The following BRIP1 variants were observed in gnomAD, a reference collection of about 807,000 sequenced individuals.
The protein encoded by BRIP1 is Fanconi anemia group J protein.
In BRIP1, 88 loss-of-function variants were observed where a neutral mutation model predicts 119.7. The observed-to-expected ratio is 0.74, with a 90% CI of 0.62 to 0.88. BRIP1 has a LOEUF of 0.88. Ranked by LOEUF, BRIP1 falls within the 40% of genes least tolerant of loss-of-function variation. BRIP1 has a pLI of 0.00. For synonymous variants in BRIP1, 443 were observed against 496.5 expected, an observed-to-expected ratio of 0.89 and a Z score of 1.43; for missense variants, 1,259 against 1,455.4, an observed-to-expected ratio of 0.87 and a Z score of 2.20.
At chr17:61,750,950 T>C (rs1249887298) in intron 14 of BRIP1, among the ~76,000 whole-genome samples, 2 of 152,142 alleles carry the variant, frequency 1.3e-5, no homozygotes, top group African/African-American at 4.8e-5. Context: ...AGGCATAGAA[T>C]TACCATATGA....
At position 61,695,749 on chromosome 17, in the gene BRIP1, AT is replaced by A. The variant is rs1157033762; in HGVS notation, c.2493-2238del. ...TCTTTCTGATGTTATTTTAAATGGT[AT>A]TTTTTAAGTTCATTTTTAGATTTTT... On this transcript the variant is annotated intron_variant, in intron 17 of 19. Transcript: ENST00000259008. The surrounding 1 kb of genome is among the most constrained non-coding windows in gnomAD (Gnocchi z 4.3). Among the ~76,000 whole-genome samples the A allele has an allele frequency of 2.0e-5, 3 of 152,012 alleles. No individual in the cohort carries two copies. Among genetic ancestry groups the A allele is most frequent in the Non-Finnish European group, 4.4e-5 (3 of 67,960 alleles).
rs545221007 is a variant in BRIP1 at position 61,722,616 on chromosome 17, T to G, written c.2380-6553A>C. Among the ~76,000 whole-genome samples, 1 of 152,344 alleles carries G rather than the reference T, an allele frequency of 6.6e-6. No individual in the cohort carries two copies. The highest frequency in any genetic ancestry group is 1.9e-4 in the East Asian group (1 of 5,192). On this transcript the variant is annotated intron_variant, in intron 16 of 19. Transcript: ENST00000259008. This position sits in a 1 kb window ranked among gnomAD's most constrained non-coding sequence, Gnocchi z 4.6. ...CTACTTTGTCAGACATAATAGCTTA[T>G]GTGTTTTCAAAATTTCCTACACCAT... is the stretch of plus-strand genomic sequence containing the variant.
rs1053480501 is a variant in BRIP1, at chr17:61,679,973, G to A, written c.*3323C>T. 4.6e-5 allele frequency among the ~76,000 whole-genome samples: 7 copies of A among 152,038 alleles called. No individual in the cohort carries two copies. Among genetic ancestry groups the A allele is most frequent in the Admixed American group, 4.6e-4 (7 of 15,272 alleles). On this transcript the variant is annotated 3_prime_UTR_variant, in exon 20 of 20. Transcript: ENST00000259008. The surrounding 1 kb of genome is among the most constrained non-coding windows in gnomAD (Gnocchi z 4.4). ...AAACACCTTTTGGAATTACTAAAGG[G>A]TTGTGACACATCTCTATGTACATTC...
At chr17:61,696,900 G>A (rs1207307313) in intron 17 of BRIP1, among the ~76,000 whole-genome samples, 1 of 147,756 alleles carries the variant, frequency 6.8e-6, no homozygotes, top group South Asian at 2.2e-4. Flanking sequence ...GCAGGAGAAT[G>A]GCGTGAACCT....
chr17:61,700,657 G>A lies in BRIP1; in HGVS notation c.2493-7145C>T, dbSNP rs1187068265. 5.3e-5 allele frequency among the ~76,000 whole-genome samples: 8 copies of A among 152,000 alleles called. No homozygotes were observed. In the East Asian group the frequency reaches 5.8e-4, roughly 11 times the overall value. On this transcript the variant is annotated intron_variant, in intron 17 of 19. Coordinates refer to ENST00000259008, the MANE Select transcript of BRIP1 (RefSeq NM_032043.3). The surrounding 1 kb of genome is among the most constrained non-coding windows in gnomAD (Gnocchi z 4.1). ...CCTGAGTTCATCCTACTTGGAGTTC[G>A]CTTATCTTCTTGGATGTATAAATTA... is the stretch of plus-strand genomic sequence containing the variant.
chr17:61,785,416 A>G (rs1250862610), intron 10 of BRIP1, among the ~76,000 whole-genome samples: 2 of 152,218 alleles, frequency 1.3e-5, no homozygotes, highest in African/African-American at 4.8e-5. Context: ...TGAAGCAATA[A>G]AAGATATTGG....
At chr17:61,787,225 C>A (rs1250809541) in intron 10 of BRIP1, among the ~76,000 whole-genome samples, 39 of 49,792 alleles carry the variant, frequency 7.8e-4, no homozygotes, top group Admixed American at 1.7e-3. Flanking sequence ...ATATTATATA[C>A]TATATAAAAT....
chr17:61,819,940 C>A (rs1267874220), intron 6 of BRIP1, among the ~76,000 whole-genome samples: 1 of 151,384 alleles, frequency 6.6e-6, no homozygotes, highest in Non-Finnish European at 1.5e-5. Context: ...CCTCATTTAC[C>A]CTAATATGAT....
intron 17 of BRIP1, among the ~76,000 whole-genome samples, chr17:61,697,680 C>A (rs4968590): frequency 0.61 from 92,392 of 151,234 alleles, 28,761 homozygotes; most frequent in Admixed American, 0.74. Flanking sequence ...TTTCCTTTTT[C>A]ATTTCTAGTA....
At position 61,742,891 on chromosome 17, in the gene BRIP1, C is replaced by A; in HGVS notation, c.2379+122G>T. ...TTGCACAATGCAGGGTTACCATAAA[C>A]CTTCAATTTGTAAAAAAGCACTATA... On this transcript the variant is annotated intron_variant, in intron 16 of 19. Transcript: ENST00000259008. This position sits in a 1 kb window ranked among gnomAD's most constrained non-coding sequence, Gnocchi z 4.7. 7.8e-7 allele frequency: 1 copy of A among 1,281,706 alleles called. No individual in the cohort carries two copies. The highest frequency in any genetic ancestry group is 1.8e-5 in the Admixed American group (1 of 54,706). The allele number at this position is 1,281,706 out of a possible 1,614,324, so 79.4% of individuals were successfully genotyped here. A position where few individuals can be genotyped will look rare whatever the true frequency, so the allele number is the denominator to read the frequency against.
In BRIP1 at chr17:61,748,527, GAAC is replaced by G. The variant is rs2077088409; in HGVS notation, c.2098-3939_2098-3937del. On this transcript the variant is annotated intron_variant, in intron 14 of 19. Coordinates refer to ENST00000259008, the MANE Select transcript of BRIP1 (RefSeq NM_032043.3). This position sits in a 1 kb window ranked among gnomAD's most constrained non-coding sequence, Gnocchi z 4.7. ...GAATAATCAAAACAATCTTGAGAAA[GAAC>G]AACAAAGCTAGAGGCATCGTGCTTC... Among the ~76,000 whole-genome samples the G allele has an allele frequency of 6.6e-6, 1 of 152,122 alleles. No individual in the cohort carries two copies. The highest frequency in any genetic ancestry group is 1.5e-5 in the Non-Finnish European group (1 of 68,010).
intron 14 of BRIP1, among the ~76,000 whole-genome samples, chr17:61,771,438 C>T (rs370633657): frequency 6.6e-6 from 1 of 152,110 alleles, no homozygotes; most frequent in East Asian, 1.9e-4. Context: ...GTCTGAATTA[C>T]TAATAAGCAC....
In BRIP1 at chr17:61,798,963, G is replaced by T; in HGVS notation, c.1340+137C>A. Reference sequence around the variant, plus strand: ...AGGTTGGACTAGCCTTGTTTTTAAAGCTTAACTGGCAAGGAACAATTCATT... The same window carrying T: ...AGGTTGGACTAGCCTTGTTTTTAAATCTTAACTGGCAAGGAACAATTCATT... On this transcript the variant is annotated intron_variant, in intron 9 of 19. Transcript: ENST00000259008. This position sits in a 1 kb window ranked among gnomAD's most constrained non-coding sequence, Gnocchi z 5.5. 1 of 793,890 alleles carries T rather than the reference G, an allele frequency of 1.3e-6. No homozygotes were observed. 49.2% of individuals were successfully genotyped at this position (793,890 alleles called of 1,614,324 possible). A position where few individuals can be genotyped will look rare whatever the true frequency, so the allele number is the denominator to read the frequency against.
At position 61,831,902 on chromosome 17, in the gene BRIP1, T is replaced by C. The variant is rs960270488; in HGVS notation, c.627+15199A>G. 6.6e-6 allele frequency among the ~76,000 whole-genome samples: 1 copy of C among 152,176 alleles called. No individual in the cohort carries two copies. The highest frequency in any genetic ancestry group is 1.5e-5 in the Non-Finnish European group (1 of 68,024). ...CTGGATGTATTGGTATAAACACTCA[T>C]AATTTTCAGTGTACAGACAGACAGA... On this transcript the variant is annotated intron_variant, in intron 6 of 19. Transcript: ENST00000259008. This position sits in a 1 kb window ranked among gnomAD's most constrained non-coding sequence, Gnocchi z 4.1.
rs987542815 is a variant in BRIP1, at chr17:61,693,154, C to T, written c.2575+276G>A. 6.6e-6 allele frequency among the ~76,000 whole-genome samples: 1 copy of T among 152,046 alleles called. No individual in the cohort carries two copies. Among genetic ancestry groups the T allele is most frequent in the South Asian group, 2.1e-4 (1 of 4,826 alleles). On this transcript the variant is annotated intron_variant, in intron 18 of 19. Transcript: ENST00000259008. The surrounding 1 kb of genome is among the most constrained non-coding windows in gnomAD (Gnocchi z 4.2). ...CATAATTCAATTTATATGAGGTATC[C>T]AAAACAGTCAAACTAATAGAAGCAG...
In BRIP1 at chr17:61,762,211, A is replaced by C. The variant is rs905195112; in HGVS notation, c.2097+14190T>G. Among the ~76,000 whole-genome samples the C allele has an allele frequency of 1.3e-5, 2 of 152,130 alleles. No individual in the cohort carries two copies. Among genetic ancestry groups the C allele is most frequent in the African/African-American group, 4.8e-5 (2 of 41,440 alleles). On this transcript the variant is annotated intron_variant, in intron 14 of 19. Coordinates refer to ENST00000259008, the MANE Select transcript of BRIP1 (RefSeq NM_032043.3). This position sits in a 1 kb window ranked among gnomAD's most constrained non-coding sequence, Gnocchi z 4.3. ...TAGATATCCACATGCAGAAGAATGAAAATGGACCCTTATCTCACAATATTT... is the reference window on the plus strand; with the variant it reads ...TAGATATCCACATGCAGAAGAATGACAATGGACCCTTATCTCACAATATTT...
In BRIP1 at chr17:61,852,250, T is replaced by C. The variant is rs1824566288; in HGVS notation, c.380-2994A>G. Among the ~76,000 whole-genome samples the C allele has an allele frequency of 6.6e-6, 1 of 152,178 alleles. No homozygotes were observed. Among genetic ancestry groups the C allele is most frequent in the Admixed American group, 6.5e-5 (1 of 15,276 alleles). On this transcript the variant is annotated intron_variant, in intron 4 of 19. Transcript: ENST00000259008. This position sits in a 1 kb window ranked among gnomAD's most constrained non-coding sequence, Gnocchi z 4.9. Reference sequence around the variant, plus strand: ...AAAAGGCTTATCTTCCTGGTCTTGATAGCAAGGGAGTTTGAAGGAAGTTCA... The same window carrying C: ...AAAAGGCTTATCTTCCTGGTCTTGACAGCAAGGGAGTTTGAAGGAAGTTCA...
rs966449276 is a variant in BRIP1 at position 61,841,825 on chromosome 17, C to T, written c.627+5276G>A. Reference sequence around the variant, plus strand: ...TCCCAAGTAGCTAGGACTGCAGGCACGTACCACCACGCCTGGCTAATTTTT... The same window carrying T: ...TCCCAAGTAGCTAGGACTGCAGGCATGTACCACCACGCCTGGCTAATTTTT... On this transcript the variant is annotated intron_variant, in intron 6 of 19. Coordinates refer to ENST00000259008, the MANE Select transcript of BRIP1 (RefSeq NM_032043.3). This position sits in a 1 kb window ranked among gnomAD's most constrained non-coding sequence, Gnocchi z 4.1. Among the ~76,000 whole-genome samples the T allele has an allele frequency of 6.6e-6, 1 of 152,114 alleles. No individual in the cohort carries two copies. Among genetic ancestry groups the T allele is most frequent in the Non-Finnish European group, 1.5e-5 (1 of 68,026 alleles).
intron 4 of BRIP1, among the ~76,000 whole-genome samples, chr17:61,855,236 G>C (rs1567873144): frequency 6.6e-6 from 1 of 152,146 alleles, no homozygotes; most frequent in Non-Finnish European, 1.5e-5. Context: ...TCACTGTCTT[G>C]ATTCTGGTGA....
Sources: gnomAD v4.1 joint callset for allele counts (sites outside exome capture counted in the v4.1 genomes callset) on GRCh38, gnomAD v4.1.1 for gene constraint, Gnocchi (gnomAD v3.1) non-coding constraint, MANE v1.5 for transcripts, NCBI Gene and HGNC (gene_info 2026-07-23, HGNC 2026-07-21) for gene names.